The following CWF19L2 variants were observed in gnomAD, a reference collection of about 807,000 sequenced individuals.
CWF19L2 encodes the protein CWF19 like cell cycle control factor 2, also known as CWF19-like protein 2.
CWF19L2 carries 98 observed loss-of-function variants against 111.7 expected under a neutral mutation model. The ratio of observed to expected loss-of-function variants is 0.88; its 90% CI spans 0.75 to 1.04. CWF19L2 has a LOEUF of 1.04. Ranked by LOEUF, CWF19L2 falls within the 50% of genes least tolerant of loss-of-function variation. The pLI is 0.00. For missense variants in CWF19L2, 1,101 were observed against 1,051.4 expected (o/e 1.05, Z -0.65); for synonymous variants, 351 against 342.9 (o/e 1.02, Z -0.26).
At chr11:107,408,424 G>A (rs1010384966) in intron 10 of CWF19L2, among the ~76,000 whole-genome samples, 5 of 151,932 alleles carry the variant, frequency 3.3e-5, no homozygotes, top group East Asian at 1.9e-4. Flanking sequence ...ACAAAGAGGA[G>A]GGTTAAGAAA....
At chr11:107,455,436 A>G (rs1181028614) in intron 2 of CWF19L2, among the ~76,000 whole-genome samples, 1 of 152,210 alleles carries the variant, frequency 6.6e-6, no homozygotes, top group African/African-American at 2.4e-5. Flanking sequence ...AGAAATTTGA[A>G]GCTGTCTTCT....
At chr11:107,360,390 T>G (rs886911586) in intron 12 of CWF19L2, among the ~76,000 whole-genome samples, 1 of 152,246 alleles carries the variant, frequency 6.6e-6, no homozygotes, top group Non-Finnish European at 1.5e-5. Flanking sequence ...CATCCACTGA[T>G]AGACACAGGT....
intron 17 of CWF19L2, among the ~76,000 whole-genome samples, chr11:107,328,592 T>G (rs539643299): frequency 6.6e-6 from 1 of 152,298 alleles, no homozygotes; most frequent in South Asian, 2.1e-4. Flanking sequence ...AATTTACTTT[T>G]AACTCCAAAA....
intron 14 of CWF19L2, among the ~76,000 whole-genome samples, chr11:107,340,567 A>T (rs1859991522): frequency 6.6e-6 from 1 of 152,226 alleles, no homozygotes; most frequent in African/African-American, 2.4e-5. Context: ...ATTACTGTAG[A>T]TATGTAATAA....
intron 14 of CWF19L2, among the ~76,000 whole-genome samples, chr11:107,347,787 T>TAA (rs1860101351): frequency 6.6e-6 from 1 of 151,798 alleles, no homozygotes; most frequent in South Asian, 2.1e-4. Flanking sequence ...TTCATCCACT[T>TAA]AAACTGTTTT....
In CWF19L2 at chr11:107,372,318, G is replaced by T. The variant is rs574633579; in HGVS notation, c.1872+17756C>A. Among the ~76,000 whole-genome samples, 2 of 135,282 alleles carry T rather than the reference G, an allele frequency of 1.5e-5. 1 individual carries two copies. Among genetic ancestry groups the T allele is most frequent in the East Asian group, 4.3e-4 (2 of 4,688 alleles). 88.8% of individuals were successfully genotyped at this position (135,282 alleles called of 152,430 possible). A position where few individuals can be genotyped will look rare whatever the true frequency, so the allele number is the denominator to read the frequency against. On this transcript the variant is annotated intron_variant, in intron 12 of 17. Transcript: ENST00000282251. Reference sequence around the variant, plus strand: ...CCTGAAAGAGTTATGATAAAGATGAGATTTGTATGAATATTCTGTTTAATC... The same window carrying T: ...CCTGAAAGAGTTATGATAAAGATGATATTTGTATGAATATTCTGTTTAATC...
chr11:107,357,799 G>T (rs895512698), intron 12 of CWF19L2, among the ~76,000 whole-genome samples: 1 of 152,010 alleles, frequency 6.6e-6, no homozygotes, highest in African/African-American at 2.4e-5. Context: ...CCAGCCTACC[G>T]TATTCTCATT....
At chr11:107,330,393 G>A (rs991020450) in intron 16 of CWF19L2, among the ~76,000 whole-genome samples, 2 of 152,032 alleles carry the variant, frequency 1.3e-5, no homozygotes, top group Admixed American at 1.3e-4. Flanking sequence ...TCACAATGGA[G>A]AACAGCAAGA....
At chr11:107,421,374 T>TA (rs1365764167) in intron 8 of CWF19L2, among the ~76,000 whole-genome samples, 2 of 151,768 alleles carry the variant, frequency 1.3e-5, no homozygotes, top group Non-Finnish European at 2.9e-5. Context: ...AAACAAAGTT[T>TA]AAAAAATTCA....
intron 3 of CWF19L2, among the ~76,000 whole-genome samples, chr11:107,453,589 G>T (rs1467665875): frequency 2.0e-5 from 3 of 151,790 alleles, no homozygotes; most frequent in Non-Finnish European, 2.9e-5. Context: ...GCTGGATTCA[G>T]GTGAGACTCA....
intron 8 of CWF19L2, among the ~76,000 whole-genome samples, chr11:107,426,659 T>C (rs1250797576): frequency 6.6e-6 from 1 of 151,748 alleles, no homozygotes; most frequent in Non-Finnish European, 1.5e-5. Context: ...TGTAGGTACA[T>C]ATGGGCTAAA....
chr11:107,329,192 A>G (rs1438354495), intron 17 of CWF19L2, among the ~76,000 whole-genome samples: 1 of 152,138 alleles, frequency 6.6e-6, no homozygotes, highest in Admixed American at 6.6e-5. Context: ...CATTGCCCAG[A>G]CTACTTTTGA....
rs141490320 is a variant in CWF19L2, at chr11:107,372,144, G to C, written c.1872+17930C>G. Among the ~76,000 whole-genome samples the C allele has an allele frequency of 1.7e-4, 23 of 134,776 alleles. 4 individuals carry two copies. The highest frequency in any genetic ancestry group is 3.7e-3 in the Middle Eastern group (1 of 268). The allele number at this position is 134,776 out of a possible 152,430, so 88.4% of individuals were successfully genotyped here. A position where few individuals can be genotyped will look rare whatever the true frequency, so the allele number is the denominator to read the frequency against. The stretch of plus-strand genomic sequence containing the variant: ...TATGTGTTAGTGACTATACTAGATA[G>C]AATATATTGGTGAGCCAATCATATG... On this transcript the variant is annotated intron_variant, in intron 12 of 17. Coordinates refer to ENST00000282251, the MANE Select transcript of CWF19L2 (RefSeq NM_152434.3).
intron 12 of CWF19L2, among the ~76,000 whole-genome samples, chr11:107,362,294 A>G (rs535243): frequency 0.82 from 124,415 of 151,654 alleles, 51,537 homozygotes; most frequent in African/African-American, 0.93. Context: ...CAAAGCAGCC[A>G]GGAAGCTCGA....
intron 14 of CWF19L2, among the ~76,000 whole-genome samples, chr11:107,337,523 G>A (rs942028730): frequency 5.3e-5 from 8 of 152,104 alleles, no homozygotes; most frequent in Non-Finnish European, 1.0e-4. Flanking sequence ...GTACAGGATG[G>A]AGCTAGGGAT....
chr11:107,442,533 A>G (rs1363409385), intron 4 of CWF19L2, among the ~76,000 whole-genome samples: 2 of 17,418 alleles, frequency 1.1e-4, no homozygotes, highest in African/African-American at 5.1e-4. Context: ...AAATAAAAAA[A>G]TTAGCCAGGC....
intron 3 of CWF19L2, among the ~76,000 whole-genome samples, chr11:107,444,588 C>A (rs899373568): frequency 1.2e-4 from 19 of 152,176 alleles, no homozygotes; most frequent in African/African-American, 4.3e-4. Context: ...TTCTGATCGC[C>A]TGAACTACAA....
At chr11:107,382,360 G>A (rs759233452) in intron 12 of CWF19L2, among the ~76,000 whole-genome samples, 10 of 152,172 alleles carry the variant, frequency 6.6e-5, no homozygotes, top group Non-Finnish European at 1.3e-4. Context: ...GAAGCTTCTG[G>A]TGCTGGCTTT....
chr11:107,428,696 T>C, intron 8 of CWF19L2, 103 bp downstream of exon 8: 3 of 902,074 alleles, frequency 3.3e-6, no homozygotes, highest in Non-Finnish European at 5.1e-6. Context: ...TTTTAAGAAA[T>C]GTGAGATCAT....
Sources: gnomAD v4.1 joint callset for allele counts (sites outside exome capture counted in the v4.1 genomes callset) on GRCh38, gnomAD v4.1.1 for gene constraint, MANE v1.5 for transcripts, NCBI Gene and HGNC (gene_info 2026-07-23, HGNC 2026-07-21) for gene names.